The following ATM variants were observed in gnomAD, a reference collection of about 807,000 sequenced individuals.
ATM encodes the protein serine-protein kinase ATM.
Under a neutral mutation model 387.0 loss-of-function variants are expected in ATM, and 308 were observed. The observed-to-expected ratio is 0.80, with a 90% CI of 0.73 to 0.87. The LOEUF is 0.87. Among genes scored for constraint, ATM ranks in the 40% least tolerant of loss-of-function variants. The pLI is 0.00. For missense variants in ATM, 3,312 were observed against 3,560.9 expected (o/e 0.93, Z 1.78); for synonymous variants, 1,156 against 1,187.3 (o/e 0.97, Z 0.54).
intron 36 of ATM, 91 bp downstream of exon 36, chr11:108,303,120 A>G: frequency 8.0e-7 from 1 of 1,242,540 alleles, no homozygotes; most frequent in South Asian, 1.3e-5. Context: ...TTCACATAAT[A>G]TCACCCCCAC....
chr11:108,365,415 C>CA lies in ATM; in HGVS notation c.9079dup (p.Ser3027LysfsTer36), dbSNP rs587780645. ...AAGGAGTGGAAGAAGGCACTGTGCT[C>CA]AGTGTTGGTGGACAAGTGAATTTGC... On this transcript the variant is annotated frameshift_variant, in exon 63 of 63. Transcript: ENST00000675843. LOFTEE classifies it high-confidence loss of function. The CA allele has an allele frequency of 1.2e-6, 2 of 1,614,160 alleles. No homozygotes were observed.
intron 6 of ATM, 59 bp from the exon 7 acceptor site, chr11:108,244,729 C>G: frequency 7.7e-7 from 1 of 1,291,190 alleles, no homozygotes; most frequent in Non-Finnish European, 1.1e-6. Context: ...CATAACTGTT[C>G]AGTTTGTACA....
intron 13 of ATM, among the ~76,000 whole-genome samples, chr11:108,254,969 A>G (rs1346997994): frequency 2.0e-5 from 3 of 152,068 alleles, no homozygotes; most frequent in Non-Finnish European, 4.4e-5. Context: ...TCATCTTTTA[A>G]TTTCATAGTA....
At chr11:108,234,857 A>G (rs1451618268) in intron 4 of ATM, among the ~76,000 whole-genome samples, 3 of 151,490 alleles carry the variant, frequency 2.0e-5, no homozygotes, top group Non-Finnish European at 4.4e-5. Flanking sequence ...AAAAATTACA[A>G]CCTGAGGTGT....
At position 108,319,723 on chromosome 11, in the gene ATM, A is replaced by C. The variant is rs187019131; in HGVS notation, c.6348-231A>C. ...GGTATTTATTGAATAAATAAATGAA[A>C]GTAGAGCATATTTAGAACCAGGCAG... On this transcript the variant is annotated intron_variant, in intron 43 of 62. Transcript: ENST00000675843. 1.3e-4 allele frequency among the ~76,000 whole-genome samples: 20 copies of C among 152,360 alleles called. No homozygotes were observed. The East Asian group carries it at 3.5e-3, about 26-fold the overall frequency.
At chr11:108,331,225 A>T in intron 50 of ATM, 1 of 1,249,316 alleles carries the variant, frequency 8.0e-7, no homozygotes, top group Non-Finnish European at 1.0e-6. Context: ...AGTTTAATTT[A>T]GGACCAAATA....
intron 42 of ATM, 146 bp from the exon 43 acceptor site, chr11:108,317,227 C>T (rs1192443062): frequency 3.9e-6 from 3 of 777,554 alleles, no homozygotes; most frequent in East Asian, 3.2e-5. Context: ...GCATGAGCCA[C>T]CACACCCAGC....
intron 24 of ATM, among the ~76,000 whole-genome samples, chr11:108,281,724 T>A (rs2082244387): frequency 2.0e-5 from 3 of 152,212 alleles, no homozygotes; most frequent in African/African-American, 7.2e-5. Flanking sequence ...AATTTTTATG[T>A]GATAAATCAG....
intron 38 of ATM, chr11:108,309,136 G>T: frequency 1.1e-6 from 1 of 924,924 alleles, no homozygotes; most frequent in Non-Finnish European, 1.7e-6. Flanking sequence ...CCAAGCTTGT[G>T]CTGTGTAAAA....
In ATM at chr11:108,251,044, T is replaced by C. The variant is rs864622262; in HGVS notation, c.1579T>C (p.Phe527Leu). ...GGTTGACAGAGAATTCTGGAAGTTA[T>C]TTACTGGGTCAGCCTGCAGACCTTC... ...VEVDREFWKL[F>L]TGSACRPSCP... The change falls in exon 10 of 63, where the codon TTT becomes CTT. Residue 527 changes from phenylalanine to leucine, a missense_variant. Transcript: ENST00000675843. 6 of 1,614,038 alleles carry C rather than the reference T, an allele frequency of 3.7e-6. No individual in the cohort carries two copies. The highest frequency in any genetic ancestry group is 4.2e-6 in the Non-Finnish European group (5 of 1,180,026).
intron 40 of ATM, among the ~76,000 whole-genome samples, chr11:108,312,829 G>C (rs971720301): frequency 6.6e-6 from 1 of 152,080 alleles, no homozygotes; most frequent in African/African-American, 2.4e-5. Context: ...TTATTTGTTT[G>C]CTTGTTTATT....
chr11:108,296,092 T>C (rs1304876192), intron 32 of ATM: 1 of 152,224 alleles, frequency 6.6e-6, no homozygotes, highest in Non-Finnish European at 1.5e-5. Flanking sequence ...TTTAATACTT[T>C]AGTCATATGT....
At chr11:108,299,672 C>G (rs778409114) in intron 33 of ATM, 42 bp from the exon 34 acceptor site, 3 of 1,590,522 alleles carry the variant, frequency 1.9e-6, no homozygotes, top group Non-Finnish European at 2.6e-6. Flanking sequence ...TATGTATGAT[C>G]TCTTACCTAT....
rs2135005331 is a variant in ATM at position 108,227,664 on chromosome 11, C to A, written c.40C>A (p.Gln14Lys). 1 of 1,613,656 alleles carries A rather than the reference C, an allele frequency of 6.2e-7. No individual in the cohort carries two copies. Among genetic ancestry groups the A allele is most frequent in the South Asian group, 1.1e-5 (1 of 91,064 alleles). Residue 14 changes from glutamine (Q) to lysine (K), a missense_variant, in exon 2 of 63, where the codon CAA (glutamine) becomes AAA (lysine). Physicochemically the swap from Gln to Lys is moderately conservative, Grantham distance 53. Around this residue, in one of 4 missense-constraint regions of ATM, gnomAD observed 1,791 missense variants for 1,804.5 expected, o/e 0.99. Transcript: ENST00000675843. The stretch of plus-strand genomic sequence containing the variant: ...TAATGATCTGCTTATCTGCTGCCGT[C>A]AACTAGAACATGATAGAGCTACAGA... ...VLNDLLICCR[Q>K]LEHDRATERK...
chr11:108,300,210 T>TA (rs2083355462), intron 34 of ATM, among the ~76,000 whole-genome samples: 5 of 152,182 alleles, frequency 3.3e-5, no homozygotes, highest in African/African-American at 1.2e-4. Context: ...TGTTTTAGGC[T>TA]CTTGTCAGTA....
chr11:108,266,996 A>G (rs567009080), intron 16 of ATM, among the ~76,000 whole-genome samples, 175 bp from the exon 17 acceptor site: 2 of 152,164 alleles, frequency 1.3e-5, no homozygotes, highest in South Asian at 4.1e-4. Context: ...AGGTTTCACC[A>G]TGTTGGCCAG....
rs553436195 is a variant in ATM, at chr11:108,255,012, ATCT to A, written c.2124+978_2124+980del. On this transcript the variant is annotated intron_variant, in intron 13 of 62. Transcript: ENST00000675843. ...TTTCACATTTTTAATGGCAGTTAGC[ATCT>A]TCTTTATACCATGGATATTTACATA... 2.8e-3 allele frequency among the ~76,000 whole-genome samples: 429 copies of A among 152,292 alleles called. 3 individuals are homozygous for A. Among genetic ancestry groups the A allele is most frequent in the African/African-American group, 9.7e-3 (404 of 41,564 alleles).
At position 108,345,849 on chromosome 11, in the gene ATM, C is replaced by G. The variant is rs879254065; in HGVS notation, c.8525C>G (p.Pro2842Arg). 6.2e-7 allele frequency: 1 copy of G among 1,613,790 alleles called. No individual in the cohort carries two copies. The highest frequency in any genetic ancestry group is 8.5e-7 in the Non-Finnish European group (1 of 1,179,844). Residue 2842 changes from proline (P) to arginine (R), a missense_variant, in exon 58 of 63, where the codon CCA becomes CGA. This residue lies in a region of ATM where 1,405 missense variants were observed against 1,604.4 expected (regional missense o/e 0.88). Coordinates refer to ENST00000675843, the MANE Select transcript of ATM (RefSeq NM_000051.4). ...TTCTGCATGGAAAAATTCTTGGATC[C>G]AGCTATTTGGTTTGAGAAGCGATTG... Reference protein sequence around the residue: ...RYFCMEKFLDPAIWFEKRLAY... With the variant: ...RYFCMEKFLDRAIWFEKRLAY...
At position 108,330,289 on chromosome 11, in the gene ATM, C is replaced by T. The variant is rs1429991894; in HGVS notation, c.7383C>T (p.Arg2461=). ...GTGCACTGAAAGAGGATCGTAAACG[C>T]TTCTTATGTAAAGCAGTTGAAAATT... ...ALRALKEDRK[R]FLCKAVENYI... Residue 2461 remains arginine (R), a synonymous_variant, in exon 50 of 63, where the codon CGC becomes CGT. Coordinates refer to ENST00000675843, the MANE Select transcript of ATM (RefSeq NM_000051.4). 3.1e-6 allele frequency: 5 copies of T among 1,614,062 alleles called. No individual in the cohort carries two copies. The highest frequency in any genetic ancestry group is 4.5e-5 in the East Asian group (2 of 44,878).
Sources: allele counts gnomAD v4.1 joint callset (sites outside exome capture counted in the v4.1 genomes callset), GRCh38; gene constraint gnomAD v4.1.1; regional missense constraint gnomAD v4.1.1; transcripts MANE v1.5; gene names NCBI Gene and HGNC (gene_info 2026-07-23, HGNC 2026-07-21).